The following SPOCK3 variants were observed in gnomAD, a reference collection of about 807,000 sequenced individuals.
SPOCK3 encodes testican-3.
A neutral mutation model predicts 56.6 loss-of-function variants in SPOCK3; 30 were observed. The observed-to-expected ratio is 0.53, with a 90% confidence interval of 0.40 to 0.72. The LOEUF is 0.72. Ranked by LOEUF, SPOCK3 falls within the 30% of genes least tolerant of loss-of-function variation. The probability of loss-of-function intolerance (pLI) is 0.00; values close to 1 mark genes in which losing one functional copy is unlikely to be tolerated. For missense variants in SPOCK3, 527 were observed against 530.0 expected (o/e 0.99, Z 0.06); for synonymous variants, 196 against 183.3 (o/e 1.07, Z -0.56).
At chr4:167,209,533 G>A (rs892949329) in intron 2 of SPOCK3, among the ~76,000 whole-genome samples, 6 of 152,010 alleles carry the variant, frequency 3.9e-5, no homozygotes, top group Non-Finnish European at 5.9e-5. Flanking sequence ...GTCTTTGTAC[G>A]TCCTATGTTC....
At chr4:166,924,392 T>C (rs1042638170) in intron 4 of SPOCK3, among the ~76,000 whole-genome samples, 1 of 152,192 alleles carries the variant, frequency 6.6e-6, no homozygotes, top group Non-Finnish European at 1.5e-5. Flanking sequence ...TAAAGGCTTT[T>C]AAAAAATACT....
intron 3 of SPOCK3, among the ~76,000 whole-genome samples, chr4:167,054,330 C>G (rs536965571): frequency 6.6e-6 from 1 of 152,186 alleles, no homozygotes; most frequent in East Asian, 1.9e-4. Flanking sequence ...TTGAAAGCTA[C>G]AGCATATTCA....
chr4:166,826,440 A>G (rs1745491086), intron 6 of SPOCK3, among the ~76,000 whole-genome samples: 1 of 152,082 alleles, frequency 6.6e-6, no homozygotes, highest in Non-Finnish European at 1.5e-5. Flanking sequence ...TCAAATCAAA[A>G]TTTATTTATT....
At chr4:166,789,258 C>T (rs1040591051) in intron 7 of SPOCK3, among the ~76,000 whole-genome samples, 1 of 151,740 alleles carries the variant, frequency 6.6e-6, no homozygotes, top group Admixed American at 6.6e-5. Flanking sequence ...GGAGAAACCC[C>T]GTCTCTACTA....
chr4:167,158,207 G>T (rs1764975391), intron 2 of SPOCK3, among the ~76,000 whole-genome samples: 1 of 151,828 alleles, frequency 6.6e-6, no homozygotes, highest in African/African-American at 2.4e-5. Context: ...AACCTTAAAT[G>T]AGATGTTTTT....
At chr4:167,211,108 G>T (rs992754487) in intron 2 of SPOCK3, among the ~76,000 whole-genome samples, 25 of 152,156 alleles carry the variant, frequency 1.6e-4, no homozygotes, top group African/African-American at 6.0e-4. Context: ...CTGGATGTGA[G>T]ACATAGGGTT....
At chr4:167,154,351 G>T (rs751596789) in intron 2 of SPOCK3, among the ~76,000 whole-genome samples, 1 of 152,024 alleles carries the variant, frequency 6.6e-6, no homozygotes. Flanking sequence ...TTTGGGACCA[G>T]GATTACGGTC....
At chr4:166,776,993 T>C (rs956716275) in intron 7 of SPOCK3, among the ~76,000 whole-genome samples, 4 of 152,124 alleles carry the variant, frequency 2.6e-5, no homozygotes, top group African/African-American at 9.7e-5. Flanking sequence ...CTGTGAAAAA[T>C]GTGAATATTA....
intron 6 of SPOCK3, among the ~76,000 whole-genome samples, chr4:166,795,525 A>G (rs1741838811): frequency 6.6e-6 from 1 of 152,154 alleles, no homozygotes; most frequent in Admixed American, 6.5e-5. Flanking sequence ...TTTGACAATA[A>G]TTAACCGATT....
At chr4:166,853,455 G>A (rs1468242466) in intron 6 of SPOCK3, among the ~76,000 whole-genome samples, 4 of 152,036 alleles carry the variant, frequency 2.6e-5, no homozygotes, top group Non-Finnish European at 4.4e-5. Context: ...ATTTTCTTTT[G>A]AAACTGAAAC....
intron 7 of SPOCK3, among the ~76,000 whole-genome samples, chr4:166,777,258 A>G (rs1009959743): frequency 2.6e-5 from 4 of 152,226 alleles, no homozygotes; most frequent in Non-Finnish European, 5.9e-5. Flanking sequence ...ACATTGAGAA[A>G]CAGTATAATA....
intron 5 of SPOCK3, among the ~76,000 whole-genome samples, chr4:166,901,235 G>A (rs1736010939): frequency 6.6e-6 from 1 of 151,950 alleles, no homozygotes; most frequent in African/African-American, 2.4e-5. Context: ...GACAAATTAG[G>A]CACACTTCCC....
At chr4:167,206,697 A>T (rs1465456681) in intron 2 of SPOCK3, among the ~76,000 whole-genome samples, 1 of 152,040 alleles carries the variant, frequency 6.6e-6, no homozygotes, top group Non-Finnish European at 1.5e-5. Flanking sequence ...GACTCAAGTA[A>T]TTCTGTTAAC....
At chr4:167,101,432 T>G (rs1759636528) in intron 2 of SPOCK3, among the ~76,000 whole-genome samples, 1 of 152,110 alleles carries the variant, frequency 6.6e-6, no homozygotes, top group Non-Finnish European at 1.5e-5. Context: ...TTATCCACAC[T>G]GATGACTTTC....
chr4:167,150,358 T>C (rs192326268), intron 2 of SPOCK3, among the ~76,000 whole-genome samples: 1 of 152,206 alleles, frequency 6.6e-6, no homozygotes, highest in Non-Finnish European at 1.5e-5. Context: ...GCAGAAAAGT[T>C]ACTGAAGAAA....
At chr4:167,022,887 C>T (rs2150165206) in intron 3 of SPOCK3, among the ~76,000 whole-genome samples, 1 of 152,084 alleles carries the variant, frequency 6.6e-6, no homozygotes, top group African/African-American at 2.4e-5. Context: ...TCCAGGAATA[C>T]ACTCAGAGGA....
In SPOCK3 at chr4:166,792,248, G is replaced by T. The variant is rs560446612; in HGVS notation, c.631C>A (p.Arg211=). Residue 211 remains arginine (R), a synonymous_variant, in exon 7 of 11, where the codon CGG becomes AGG. Transcript: ENST00000357545. ...LEFREVANRL[R]DWFKALHESG... ...TCATGAAGGGCCTTGAACCAGTCCC[G>T]CAATCTGTTTGCCACTTCCCTGAAC... 6.2e-7 allele frequency: 1 copy of T among 1,613,484 alleles called. No homozygotes were observed. The highest frequency in any genetic ancestry group is 8.5e-7 in the Non-Finnish European group (1 of 1,179,718).
chr4:166,753,527 A>G (rs12715959), intron 8 of SPOCK3, among the ~76,000 whole-genome samples: 122,186 of 151,670 alleles, frequency 0.81, 49,463 homozygotes, highest in African/African-American at 0.84. Context: ...CAATTTATGC[A>G]TATTCATTTC....
intron 2 of SPOCK3, among the ~76,000 whole-genome samples, chr4:167,124,214 C>T (rs965774940): frequency 6.6e-6 from 1 of 152,160 alleles, no homozygotes; most frequent in East Asian, 1.9e-4. Context: ...TTCTTTTTAA[C>T]CTGTCACTCC....
Sources: allele counts gnomAD v4.1 joint callset (sites outside exome capture counted in the v4.1 genomes callset), GRCh38; gene constraint gnomAD v4.1.1; transcripts MANE v1.5; gene names NCBI Gene and HGNC (gene_info 2026-07-23, HGNC 2026-07-21).